Variants in ANKRD18A observed in about 807,000 individuals in gnomAD.
ANKRD18A encodes ankyrin repeat domain-containing protein 18A.
In ANKRD18A, 72 loss-of-function variants were observed where a neutral mutation model predicts 110.6. The ratio of observed to expected loss-of-function variants is 0.65; its 90% CI spans 0.54 to 0.79. ANKRD18A has a LOEUF of 0.79. Ranked by LOEUF, ANKRD18A falls within the 30% of genes least tolerant of loss-of-function variation. The pLI is 0.00. For missense variants in ANKRD18A, 934 were observed against 1,163.3 expected, an observed-to-expected ratio of 0.80 and a Z score of 2.87; for synonymous variants, 305 against 410.3, an observed-to-expected ratio of 0.74 and a Z score of 3.10.
At chr9:38,607,561 TA>T (rs1474872923) in intron 5 of ANKRD18A, 68 bp from the exon 6 acceptor site, 28 of 1,101,282 alleles carry the variant, frequency 2.5e-5, no homozygotes, top group Non-Finnish European at 3.3e-5. Flanking sequence ...CCAAACAGAT[TA>T]AATTCTTAAA....
chr9:38,610,367 C>T lies in ANKRD18A; in HGVS notation c.646G>A (p.Val216Ile), dbSNP rs1045057588. The change falls in exon 5 of 16, where the codon GTC becomes ATC. Residue 216 changes from valine (V) to isoleucine (I), a missense_variant. Coordinates refer to ENST00000399703, the MANE Select transcript of ANKRD18A (RefSeq NM_147195.4). The stretch of plus-strand genomic sequence containing the variant: ...ATATTTTGTTGAAGCAGGAGGGTGA[C>T]GATACTTGACAAGTTATGCTGTACT... The part of the protein sequence containing the change: ...LAVQHNLSSI[V>I]TLLLQQNIRI... 5.8e-6 allele frequency: 9 copies of T among 1,550,136 alleles called. 1 individual carries two copies. Among genetic ancestry groups the T allele is most frequent in the African/African-American group, 4.1e-5 (3 of 72,882 alleles).
intron 3 of ANKRD18A, among the ~76,000 whole-genome samples, chr9:38,611,949 A>G (rs1419977562): frequency 6.6e-6 from 1 of 152,204 alleles, no homozygotes; most frequent in East Asian, 1.9e-4. Context: ...TTTAGGAACT[A>G]GAGTTTCAGG....
intron 1 of ANKRD18A, 21 bp downstream of exon 1, chr9:38,620,059 C>G: frequency 6.5e-7 from 1 of 1,548,832 alleles, no homozygotes; most frequent in Non-Finnish European, 8.7e-7. Flanking sequence ...CCTCCCACCG[C>G]GGGCTGAGTC....
chr9:38,601,603 T>G (rs1825119232), intron 7 of ANKRD18A, among the ~76,000 whole-genome samples: 1 of 152,206 alleles, frequency 6.6e-6, no homozygotes, highest in Admixed American at 6.5e-5. Context: ...TTGCAAAATT[T>G]TTGTTACTGT....
intron 8 of ANKRD18A, among the ~76,000 whole-genome samples, chr9:38,599,895 C>T (rs1825048862): frequency 6.6e-6 from 1 of 152,120 alleles, no homozygotes; most frequent in Non-Finnish European, 1.5e-5. Flanking sequence ...TCTTTTGTTT[C>T]TCAAATGTCT....
At chr9:38,586,531 T>C (rs986338398) in intron 11 of ANKRD18A, among the ~76,000 whole-genome samples, 1 of 152,052 alleles carries the variant, frequency 6.6e-6, no homozygotes, top group Non-Finnish European at 1.5e-5. Context: ...GCAGGTAAAG[T>C]GATAATAGCC....
At chr9:38,588,456 C>T (rs1448244692) in intron 11 of ANKRD18A, 95 bp downstream of exon 11, 5 of 762,194 alleles carry the variant, frequency 6.6e-6, no homozygotes, top group Non-Finnish European at 9.1e-6. Context: ...AAAATGAAGA[C>T]ATAAAATGGA....
chr9:38,610,933 A>C (rs1825593770), intron 4 of ANKRD18A, among the ~76,000 whole-genome samples: 1 of 151,364 alleles, frequency 6.6e-6, no homozygotes, highest in Admixed American at 6.6e-5. Flanking sequence ...TCATAAAATT[A>C]ATAAAATACA....
intron 12 of ANKRD18A, among the ~76,000 whole-genome samples, chr9:38,579,952 C>CA (rs1182883212): frequency 6.6e-6 from 1 of 151,986 alleles, no homozygotes; most frequent in Non-Finnish European, 1.5e-5. Flanking sequence ...AATGAATGGA[C>CA]AAAAAAATTG....
chr9:38,614,481 A>T (rs1825775807), intron 3 of ANKRD18A, among the ~76,000 whole-genome samples: 1 of 152,054 alleles, frequency 6.6e-6, no homozygotes, highest in Admixed American at 6.5e-5. Flanking sequence ...CATGTTCAGA[A>T]CTTATTAGAT....
chr9:38,612,558 C>T (rs1315852230), intron 3 of ANKRD18A, among the ~76,000 whole-genome samples: 2 of 145,422 alleles, frequency 1.4e-5, no homozygotes, highest in Admixed American at 1.4e-4. Flanking sequence ...CACACTGTCA[C>T]CCAGGCTGCA....
At chr9:38,601,367 A>T (rs181668221) in intron 7 of ANKRD18A, among the ~76,000 whole-genome samples, 163 bp from the exon 8 acceptor site, 2 of 152,262 alleles carry the variant, frequency 1.3e-5, no homozygotes, top group Admixed American at 1.3e-4. Flanking sequence ...ATTACCTAAA[A>T]CTTTAACAAA....
chr9:38,590,097 G>C (rs78781828), intron 10 of ANKRD18A, among the ~76,000 whole-genome samples: 1 of 152,008 alleles, frequency 6.6e-6, no homozygotes, highest in Non-Finnish European at 1.5e-5. Flanking sequence ...TTGAAGGGGG[G>C]CTGTCTCACC....
intron 9 of ANKRD18A, among the ~76,000 whole-genome samples, chr9:38,594,566 T>C (rs1824794402): frequency 6.6e-6 from 1 of 152,184 alleles, no homozygotes; most frequent in African/African-American, 2.4e-5. Flanking sequence ...ATTTACCACA[T>C]TTATTCCAAA....
chr9:38,590,298 T>C (rs142628763), intron 10 of ANKRD18A, among the ~76,000 whole-genome samples: 5,026 of 151,908 alleles, frequency 0.033, 112 homozygotes, highest in Middle Eastern at 0.071. Flanking sequence ...CACTCTGTCA[T>C]CCAGGCTAGA....
chr9:38,585,407 C>A (rs1297620771), intron 12 of ANKRD18A, among the ~76,000 whole-genome samples: 1 of 152,108 alleles, frequency 6.6e-6, no homozygotes, highest in African/African-American at 2.4e-5. Context: ...TAGGCTGAGC[C>A]AATGTATGTC....
chr9:38,571,750 A>G lies in ANKRD18A; in HGVS notation c.*295T>C, dbSNP rs1471911802. ...AGGCAATTTGAGTAGGCCAAACTCA[A>G]TAACGCTGGTGTTCATTTGCAAGAT... On this transcript the variant is annotated 3_prime_UTR_variant, in exon 16 of 16. Transcript: ENST00000399703. 32 of 1,083,030 alleles carry G rather than the reference A, an allele frequency of 3.0e-5. No individual in the cohort carries two copies. Among genetic ancestry groups the G allele is most frequent in the East Asian group, 6.7e-5 (1 of 14,834 alleles). The allele number at this position is 1,083,030 out of a possible 1,614,324, so 67.1% of individuals were successfully genotyped here. A position where few individuals can be genotyped will look rare whatever the true frequency, so the allele number is the denominator to read the frequency against.
At chr9:38,583,834 A>G (rs1334429256) in intron 12 of ANKRD18A, among the ~76,000 whole-genome samples, 1 of 152,238 alleles carries the variant, frequency 6.6e-6, no homozygotes, top group African/African-American at 2.4e-5. Context: ...TACTGATAGA[A>G]GCAGGAGACA....
At chr9:38,597,804 A>G (rs1271799026) in intron 8 of ANKRD18A, among the ~76,000 whole-genome samples, 1 of 152,162 alleles carries the variant, frequency 6.6e-6, no homozygotes, top group Non-Finnish European at 1.5e-5. Flanking sequence ...TCTACTATAG[A>G]GTCAAATGCT....
Sources: gnomAD v4.1 joint callset for allele counts (sites outside exome capture counted in the v4.1 genomes callset) on GRCh38, gnomAD v4.1.1 for gene constraint, MANE v1.5 for transcripts, NCBI Gene and HGNC (gene_info 2026-07-23, HGNC 2026-07-21) for gene names.